The following TUT4 variants were observed in gnomAD, a reference collection of about 807,000 sequenced individuals.
The protein encoded by TUT4 is terminal uridylyl transferase 4.
In TUT4, 36 loss-of-function variants were observed where a neutral mutation model predicts 192.2. The ratio of observed to expected loss-of-function variants is 0.19; its 90% CI spans 0.14 to 0.25. The LOEUF (loss-of-function observed/expected upper bound fraction) is 0.25. Among genes scored for constraint, TUT4 ranks in the 10% least tolerant of loss-of-function variants. The pLI is 1.00. For synonymous variants in TUT4, 618 were observed against 666.0 expected (o/e 0.93, Z 1.11); for missense variants, 1,493 against 1,957.2 (o/e 0.76, Z 4.47).
Position 52,515,740 on chromosome 1 carries a change from AAAG to A in TUT4, c.882+148_882+150del, listed in dbSNP as rs1373900165. ...AAGAGAGGCAAGGAAGAAAAGAGGG[AAAG>A]AAGAAGAAAGGTAGAGAAGAGGGAA... On this transcript the variant is annotated intron_variant, in intron 3 of 29. Transcript: ENST00000257177. 82 of 839,456 alleles carry A rather than the reference AAAG, an allele frequency of 9.8e-5. 1 individual carries two copies. In the South Asian group the frequency reaches 1.3e-3, roughly 14 times the overall value. The allele number at this position is 839,456 out of a possible 1,614,324, so 52.0% of individuals were successfully genotyped here.
chr1:52,498,240 C>CTTTTTTT (rs556089149), intron 4 of TUT4, among the ~76,000 whole-genome samples: 2 of 119,416 alleles, frequency 1.7e-5, no homozygotes, highest in East Asian at 2.4e-4. Context: ...AGTTTCAGTA[C>CTTTTTTT]TTTTTTTTTT....
Position 52,462,951 on chromosome 1 carries a change from TGA to T in TUT4, c.3070-1184_3070-1183del, listed in dbSNP as rs1663039836. ...TTCCAACATGTTCTTTTTAGCTACA[TGA>T]GAGCAGGAGCCATTGCAGCTAAACC... On this transcript the variant is annotated intron_variant, in intron 16 of 29. Coordinates refer to ENST00000257177, the MANE Select transcript of TUT4 (RefSeq NM_001009881.3). 3.0e-6 allele frequency: 3 copies of T among 985,436 alleles called. No homozygotes were observed. In the South Asian group the frequency reaches 1.4e-4, roughly 46 times the overall value. 61.0% of individuals were successfully genotyped at this position (985,436 alleles called of 1,614,324 possible).
chr1:52,474,829 T>G lies in TUT4; in HGVS notation c.2727+3A>C. The G allele has an allele frequency of 6.3e-7, 1 of 1,587,326 alleles. No individual in the cohort carries two copies. The highest frequency in any genetic ancestry group is 8.6e-7 in the Non-Finnish European group (1 of 1,169,144). On this transcript the variant is annotated splice_donor_region_variant and intron_variant, in intron 13 of 29. Coordinates refer to ENST00000257177, the MANE Select transcript of TUT4 (RefSeq NM_001009881.3). ...TACAGATCATTTACAAACTGTATCC[T>G]ACCTTGCCAGAGGTTAAAATAAACT...
intron 1 of TUT4, among the ~76,000 whole-genome samples, chr1:52,538,150 C>T (rs570889897): frequency 6.4e-4 from 97 of 152,184 alleles, no homozygotes; most frequent in Middle Eastern, 6.8e-3. Flanking sequence ...GCACAAGAAC[C>T]GCTTGAATCC....
intron 16 of TUT4, among the ~76,000 whole-genome samples, chr1:52,464,251 A>AT (rs1274344514): frequency 7.3e-5 from 11 of 151,648 alleles, no homozygotes; most frequent in African/African-American, 2.4e-4. Flanking sequence ...CATTTTATTT[A>AT]TTTATTTTTT....
rs116359151 is a variant in TUT4, at chr1:52,526,682, G to A, written c.-93-309C>T. On this transcript the variant is annotated intron_variant, in intron 1 of 29. Transcript: ENST00000257177. ...CAATAGAAAACTAAAACTTGCAATT[G>A]AATGTATCACAATTAACATGAAAGG... Among the ~76,000 whole-genome samples the A allele has an allele frequency of 4.0e-3, 606 of 152,218 alleles. 1 individual carries two copies. Among genetic ancestry groups the A allele is most frequent in the African/African-American group, 0.013 (555 of 41,540 alleles).
rs1301720393 is a variant in TUT4, at chr1:52,475,262, C to T, written c.2297G>A (p.Cys766Tyr). The change falls in exon 13 of 30, where the codon TGT becomes TAT. Residue 766 changes from cysteine to tyrosine, a missense_variant. Cys to Tyr is a radical substitution (Grantham distance 194). Around this residue, in one of 7 missense-constraint regions of TUT4, gnomAD observed 245 missense variants for 218.4 expected, o/e 1.12. Transcript: ENST00000257177. ...INAEREQPVQ[C>Y]DEMDCTSQRC... is the part of the protein sequence containing the mutation. ...CTGTGATGTACAGTCCATTTCATCA[C>T]ATTGAACAGGTTGCTCTCTTTCTGC... is the stretch of plus-strand genomic sequence containing the variant. 1.2e-6 allele frequency: 2 copies of T among 1,614,046 alleles called. No individual in the cohort carries two copies. The highest frequency in any genetic ancestry group is 8.5e-7 in the Non-Finnish European group (1 of 1,180,036).
intron 14 of TUT4, 93 bp from the exon 15 acceptor site, chr1:52,468,360 T>TA (rs1664801471): frequency 1.1e-6 from 1 of 928,860 alleles, no homozygotes; most frequent in East Asian, 2.8e-5. Context: ...AAATTTTACT[T>TA]ACAGTTTGTT....
chr1:52,461,498 T>C lies in TUT4; in HGVS notation c.3231+15A>G, dbSNP rs1020013361. On this transcript the variant is annotated intron_variant, in intron 18 of 29. Coordinates refer to ENST00000257177, the MANE Select transcript of TUT4 (RefSeq NM_001009881.3). ...AAATGAAAAGTATATACATGGCCTA[T>C]AAAGATAAACTTACCAACGTATTAT... 2.5e-6 allele frequency: 4 copies of C among 1,603,918 alleles called. No individual in the cohort carries two copies. The highest frequency in any genetic ancestry group is 1.1e-5 in the South Asian group (1 of 89,454).
chr1:52,437,674 G>C (rs1026700939), intron 25 of TUT4: 4 of 152,538 alleles, frequency 2.6e-5, no homozygotes, highest in African/African-American at 9.7e-5. Flanking sequence ...ACACAAAACT[G>C]GCTGGCATGG....
At position 52,436,848 on chromosome 1, in the gene TUT4, C is replaced by G. The variant is rs1317235060; in HGVS notation, c.4069G>C (p.Asp1357His). 1.2e-6 allele frequency: 2 copies of G among 1,613,792 alleles called. No homozygotes were observed. The highest frequency in any genetic ancestry group is 1.3e-5 in the African/African-American group (1 of 74,818). Residue 1357 changes from aspartate (D) to histidine (H), a missense_variant, in exon 26 of 30, where the codon GAC (aspartate) becomes CAC (histidine). Physicochemically the swap from Asp to His is moderately conservative, Grantham distance 81. Transcript: ENST00000257177. ...TCTCCACATATAAAACATCTGAGGT[C>G]TCTCGGGTCTCTAAAGTCTCGAGTA... is the stretch of plus-strand genomic sequence containing the variant. The part of the protein sequence containing the change: ...HDTRDFRDPR[D>H]LRCFICGDAG...
Position 52,512,459 on chromosome 1 carries a change from T to C in TUT4, c.883-2747A>G, listed in dbSNP as rs114459767. Among the ~76,000 whole-genome samples, 1,366 of 152,306 alleles carry C rather than the reference T, an allele frequency of 9.0e-3. 23 individuals are homozygous for C. The highest frequency in any genetic ancestry group is 0.031 in the African/African-American group (1,296 of 41,564). ...AATTTATCCAAGGTTATCCAACCAA[T>C]AAGTGGCAGAGCTAGACCCAATGAC... On this transcript the variant is annotated intron_variant, in intron 3 of 29. Coordinates refer to ENST00000257177, the MANE Select transcript of TUT4 (RefSeq NM_001009881.3).
In TUT4 at chr1:52,475,157, G is replaced by T. The variant is rs777874066; in HGVS notation, c.2402C>A (p.Ser801Tyr). The T allele has an allele frequency of 6.2e-7, 1 of 1,614,056 alleles. No individual in the cohort carries two copies. Among genetic ancestry groups the T allele is most frequent in the Non-Finnish European group, 8.5e-7 (1 of 1,180,014 alleles). ...CTCTATTTCACTGCTTTTGCTGGTA[G>T]AAAGAGATGAAGAGTCCTGTCCGTG... The part of the protein sequence containing the change: ...ADHGQDSSSL[S>Y]TSKSSEIEPK... The change falls in exon 13 of 30, where the codon TCT (serine) becomes TAT (tyrosine). Residue 801 changes from serine (S) to tyrosine (Y), a missense_variant. Ser to Tyr is a moderately radical substitution (Grantham distance 144). Transcript: ENST00000257177.
chr1:52,534,607 C>A (rs548311584), intron 1 of TUT4, among the ~76,000 whole-genome samples: 35 of 151,216 alleles, frequency 2.3e-4, no homozygotes, highest in Non-Finnish European at 4.0e-4. Flanking sequence ...AATCCCAGCA[C>A]TTTGGTAGAT....
chr1:52,501,774 A>C (rs752891343), intron 4 of TUT4, among the ~76,000 whole-genome samples: 3 of 152,212 alleles, frequency 2.0e-5, no homozygotes, highest in Non-Finnish European at 4.4e-5. Context: ...ATATTATTCA[A>C]CCTCAAAAAG....
At position 52,452,209 on chromosome 1, in the gene TUT4, C is replaced by T. The variant is rs570577699; in HGVS notation, c.3436-5542G>A. 9.9e-5 allele frequency among the ~76,000 whole-genome samples: 15 copies of T among 152,198 alleles called. 1 individual carries two copies. In the South Asian group the frequency reaches 2.9e-3, roughly 29 times the overall value. ...TGAACAATGATGCAAAATTCCTCAA[C>T]AAAATATTAGCAAATCAAATCCAAT... On this transcript the variant is annotated intron_variant, in intron 20 of 29. Coordinates refer to ENST00000257177, the MANE Select transcript of TUT4 (RefSeq NM_001009881.3).
chr1:52,476,139 C>T (rs921498183), intron 12 of TUT4, among the ~76,000 whole-genome samples: 3 of 151,946 alleles, frequency 2.0e-5, no homozygotes, highest in African/African-American at 7.3e-5. Context: ...GGCACTGCAC[C>T]CGGGTCACAG....
At chr1:52,480,176 G>A (rs990566968) in intron 11 of TUT4, among the ~76,000 whole-genome samples, 3 of 152,000 alleles carry the variant, frequency 2.0e-5, no homozygotes, top group Non-Finnish European at 4.4e-5. Flanking sequence ...CCAAGGGAAT[G>A]TACATACACA....
At chr1:52,519,044 A>G (rs1341499768) in intron 2 of TUT4, among the ~76,000 whole-genome samples, 1 of 152,208 alleles carries the variant, frequency 6.6e-6, no homozygotes, top group Non-Finnish European at 1.5e-5. Flanking sequence ...AAAAATGAAA[A>G]CATACATCCA....
Sources: allele counts gnomAD v4.1 joint callset (sites outside exome capture counted in the v4.1 genomes callset), GRCh38; gene constraint gnomAD v4.1.1; regional missense constraint gnomAD v4.1.1; transcripts MANE v1.5; gene names NCBI Gene and HGNC (gene_info 2026-07-23, HGNC 2026-07-21).